Variants in GSDME observed in about 807,000 individuals in gnomAD.
The protein encoded by GSDME is gasdermin E, also known as gasdermin-E.
A neutral mutation model predicts 47.5 loss-of-function variants in GSDME; 44 were observed. That is an observed-to-expected ratio of 0.93 (90% CI 0.73 to 1.19). GSDME has a LOEUF of 1.19. Ranked by LOEUF, GSDME falls within the 50% of genes most tolerant of loss-of-function variation. GSDME has a pLI of 0.00. For missense variants in GSDME, 663 were observed against 604.2 expected (o/e 1.10, Z -1.02); for synonymous variants, 258 against 252.8 (o/e 1.02, Z -0.20).
intron 7 of GSDME, among the ~76,000 whole-genome samples, chr7:24,706,594 G>T (rs1213928402): frequency 6.6e-6 from 1 of 152,238 alleles, no homozygotes; most frequent in Non-Finnish European, 1.5e-5. Flanking sequence ...GGTTGGGGGC[G>T]TACTTGCTGG....
rs971808681 is a variant in GSDME, at chr7:24,724,035, A to G, written c.405-4817T>C. On this transcript the variant is annotated intron_variant, in intron 3 of 9. Transcript: ENST00000645220. The surrounding 1 kb of genome is among the most constrained non-coding windows in gnomAD (Gnocchi z 4.8). ...CTGTGAGAGCCACTGAGCAACACAG[A>G]CAGAATGGCTTTAGAGACACAGAAA... is the stretch of plus-strand genomic sequence containing the variant. Among the ~76,000 whole-genome samples, 1 of 152,140 alleles carries G rather than the reference A, an allele frequency of 6.6e-6. No homozygotes were observed. Among genetic ancestry groups the G allele is most frequent in the Non-Finnish European group, 1.5e-5 (1 of 68,028 alleles).
At chr7:24,771,590 A>G in the GSDME span, among the ~76,000 whole-genome samples, 1 of 152,098 alleles carries the variant, frequency 6.6e-6, no homozygotes, top group Non-Finnish European at 1.5e-5. The surrounding 1 kb of genome is among the most constrained non-coding windows in gnomAD (Gnocchi z 4.1). Flanking sequence ...AAGTTGCCTG[A>G]GTTTTTGGGC....
intron 2 of GSDME, 116 bp downstream of exon 2, chr7:24,749,448 G>T: frequency 1.1e-6 from 1 of 907,874 alleles, no homozygotes; most frequent in Non-Finnish European, 1.7e-6. Context: ...GTTGCAATGG[G>T]CCAAGATCAC....
In GSDME at chr7:24,753,289, C is replaced by T. The variant is rs113360276; in HGVS notation, c.-19-3496G>A. On this transcript the variant is annotated intron_variant, in intron 1 of 9. Coordinates refer to ENST00000645220, the MANE Select transcript of GSDME (RefSeq NM_001127453.2). ...CCCTTTCACTCCTCTCCCCTTCAGC[C>T]ATATTTCCTTCATATTTCTTTATAG... Among the ~76,000 whole-genome samples, 20 of 152,310 alleles carry T rather than the reference C, an allele frequency of 1.3e-4. 1 individual carries two copies. The highest frequency in any genetic ancestry group is 4.6e-4 in the African/African-American group (19 of 41,572).
the GSDME span, among the ~76,000 whole-genome samples, chr7:24,791,006 C>G: frequency 6.6e-6 from 1 of 152,070 alleles, no homozygotes; most frequent in East Asian, 1.9e-4. This position sits in a 1 kb window ranked among gnomAD's most constrained non-coding sequence, Gnocchi z 4.8. Flanking sequence ...ATGCATGGAC[C>G]AGTCAGCTTC....
chr7:24,717,030 G>T, intron 5 of GSDME: 1 of 572,588 alleles, frequency 1.7e-6, no homozygotes, highest in Admixed American at 2.9e-5. Flanking sequence ...ACCAATGTTG[G>T]AGGAGAGGGT....
intron 1 of GSDME, among the ~76,000 whole-genome samples, chr7:24,752,951 T>C (rs1790902214): frequency 6.6e-6 from 1 of 151,410 alleles, no homozygotes; most frequent in South Asian, 2.1e-4. Flanking sequence ...CCACAGGGAT[T>C]AGACGGTAAA....
chr7:24,719,801 A>T (rs936261671), intron 3 of GSDME, among the ~76,000 whole-genome samples: 4 of 152,112 alleles, frequency 2.6e-5, no homozygotes, highest in Non-Finnish European at 4.4e-5. Context: ...TCAAAAAAAA[A>T]AAGGAAAAGA....
chr7:24,721,792 G>A lies in GSDME; in HGVS notation c.405-2574C>T, dbSNP rs189547504. On this transcript the variant is annotated intron_variant, in intron 3 of 9. Coordinates refer to ENST00000645220, the MANE Select transcript of GSDME (RefSeq NM_001127453.2). The surrounding 1 kb of genome is among the most constrained non-coding windows in gnomAD (Gnocchi z 4.1). Reference sequence around the variant, plus strand: ...CTTCAATGGCTATATCCCATGTCCAGTGCGTTCCCAGGCTGAGGCCCCATG... The same window carrying A: ...CTTCAATGGCTATATCCCATGTCCAATGCGTTCCCAGGCTGAGGCCCCATG... Among the ~76,000 whole-genome samples the A allele has an allele frequency of 1.2e-4, 19 of 152,304 alleles. No individual in the cohort carries two copies. Among genetic ancestry groups the A allele is most frequent in the African/African-American group, 4.1e-4 (17 of 41,578 alleles).
At chr7:24,709,834 A>C (rs1748755015) in intron 6 of GSDME, among the ~76,000 whole-genome samples, 1 of 152,166 alleles carries the variant, frequency 6.6e-6, no homozygotes, top group Admixed American at 6.5e-5. Context: ...TTGACAATGA[A>C]GCCCAGAATA....
At chr7:24,782,223 C>T in the GSDME span, among the ~76,000 whole-genome samples, 945 of 131,354 alleles carry the variant, frequency 7.2e-3, 8 homozygotes, top group African/African-American at 0.025. Flanking sequence ...CCCCTCCCCC[C>T]ACCCCACAAC....
Position 24,749,702 on chromosome 7 carries a change from G to T in GSDME, c.73C>A (p.Leu25Met). ...AGCTGTAACTTATCAGAGTCATTCA[G>T]ATTTGATACTGCAATCAGGTCACCA... ...ADGDLIAVSN[L>M]NDSDKLQLLS... The change falls in exon 2 of 10, where the codon CTG becomes ATG. Residue 25 changes from leucine (L) to methionine (M), a missense_variant. Transcript: ENST00000645220. 6.2e-7 allele frequency: 1 copy of T among 1,614,026 alleles called. No homozygotes were observed. The highest frequency in any genetic ancestry group is 1.1e-5 in the South Asian group (1 of 91,076).
chr7:24,776,863 TC>T, the GSDME span, among the ~76,000 whole-genome samples: 18,827 of 152,254 alleles, frequency 0.12, 1,255 homozygotes, highest in African/African-American at 0.14. Context: ...ATACCTATAG[TC>T]ATAGAGATGG....
At chr7:24,758,108 C>T (rs965069358), upstream of GSDME, 1 of 152,288 alleles carries the variant, frequency 6.6e-6, no homozygotes, top group Non-Finnish European at 1.5e-5. This position sits in a 1 kb window ranked among gnomAD's most constrained non-coding sequence, Gnocchi z 4.6. Context: ...TCAAACATTG[C>T]TTTCTGATGA....
chr7:24,745,942 C>G lies in GSDME; in HGVS notation c.212-1188G>C, dbSNP rs889386546. On this transcript the variant is annotated intron_variant, in intron 2 of 9. Coordinates refer to ENST00000645220, the MANE Select transcript of GSDME (RefSeq NM_001127453.2). This position sits in a 1 kb window ranked among gnomAD's most constrained non-coding sequence, Gnocchi z 4.4. The stretch of plus-strand genomic sequence containing the variant: ...CATTAAGAGTCCACTAGGAACCTCA[C>G]ACTTGGCCTTTTCCATTGTCCTGAC... 6.6e-6 allele frequency among the ~76,000 whole-genome samples: 1 copy of G among 152,210 alleles called. No individual in the cohort carries two copies. The highest frequency in any genetic ancestry group is 6.5e-5 in the Admixed American group (1 of 15,282).
In GSDME at chr7:24,739,755, T is replaced by A. The variant is rs1291990915; in HGVS notation, c.404+4807A>T. Among the ~76,000 whole-genome samples, 1 of 151,816 alleles carries A rather than the reference T, an allele frequency of 6.6e-6. No individual in the cohort carries two copies. The highest frequency in any genetic ancestry group is 2.4e-5 in the African/African-American group (1 of 41,300). Reference sequence around the variant, plus strand: ...ATCCTCAATAGATGAATAAAGAAAATGTGGTAAATATACACGATAGAGTAC... The same window carrying A: ...ATCCTCAATAGATGAATAAAGAAAAAGTGGTAAATATACACGATAGAGTAC... On this transcript the variant is annotated intron_variant, in intron 3 of 9. Coordinates refer to ENST00000645220, the MANE Select transcript of GSDME (RefSeq NM_001127453.2). The surrounding 1 kb of genome is among the most constrained non-coding windows in gnomAD (Gnocchi z 5.1).
chr7:24,763,092 G>A, the GSDME span, among the ~76,000 whole-genome samples: 2 of 152,278 alleles, frequency 1.3e-5, no homozygotes, highest in Middle Eastern at 3.4e-3. The surrounding 1 kb of genome is among the most constrained non-coding windows in gnomAD (Gnocchi z 4.3). Flanking sequence ...AGGATCAACT[G>A]GAACACGTTT....
At chr7:24,715,699 T>C (rs1789526236) in intron 5 of GSDME, 2 of 320,330 alleles carry the variant, frequency 6.2e-6, no homozygotes, top group African/African-American at 2.3e-5. Flanking sequence ...AAGAGAAAGA[T>C]GACAATAATA....
At chr7:24,775,464 G>A in the GSDME span, among the ~76,000 whole-genome samples, 1 of 152,300 alleles carries the variant, frequency 6.6e-6, no homozygotes, top group African/African-American at 2.4e-5. Context: ...CAACACAAAC[G>A]TGTGAAGTGA....
Sources: gnomAD v4.1 joint callset for allele counts (sites outside exome capture counted in the v4.1 genomes callset) on GRCh38, gnomAD v4.1.1 for gene constraint, Gnocchi (gnomAD v3.1) non-coding constraint, MANE v1.5 for transcripts, NCBI Gene and HGNC (gene_info 2026-07-23, HGNC 2026-07-21) for gene names.